The following CD96 variants were observed in gnomAD, a reference collection of about 807,000 sequenced individuals.
CD96 encodes CD96 molecule.
Under a neutral mutation model 71.3 loss-of-function variants are expected in CD96, and 70 were observed. The observed-to-expected ratio is 0.98, with a 90% CI of 0.81 to 1.20. CD96 has a LOEUF of 1.20. CD96 is among the 50% of genes most tolerant of loss of function. The pLI is 0.00. For synonymous variants in CD96, 248 were observed against 233.0 expected, an observed-to-expected ratio of 1.06 and a Z score of -0.59; for missense variants, 742 against 677.5, an observed-to-expected ratio of 1.10 and a Z score of -1.06.
chr3:111,586,914 A>C (rs912465912), intron 5 of CD96, among the ~76,000 whole-genome samples: 1 of 152,128 alleles, frequency 6.6e-6, no homozygotes, highest in Non-Finnish European at 1.5e-5. Context: ...CCTTTCCAAC[A>C]GTCCCCCAAA....
intron 8 of CD96, among the ~76,000 whole-genome samples, chr3:111,614,805 C>T (rs902320227): frequency 6.6e-6 from 1 of 152,202 alleles, no homozygotes; most frequent in African/African-American, 2.4e-5. Flanking sequence ...GCCCCTTTGT[C>T]CTAAATTCCA....
chr3:111,554,939 G>C (rs368779064), intron 2 of CD96, among the ~76,000 whole-genome samples: 203 of 152,000 alleles, frequency 1.3e-3, no homozygotes, highest in African/African-American at 4.5e-3. Flanking sequence ...CTCATAAGGA[G>C]CACACAACCT....
intron 8 of CD96, among the ~76,000 whole-genome samples, chr3:111,609,646 G>T (rs910813930): frequency 6.6e-6 from 1 of 152,116 alleles, no homozygotes; most frequent in Non-Finnish European, 1.5e-5. Context: ...ATTTAATATA[G>T]TTTTAGTATT....
intron 2 of CD96, among the ~76,000 whole-genome samples, chr3:111,552,470 T>G (rs984455960): frequency 6.6e-6 from 1 of 152,154 alleles, no homozygotes; most frequent in Admixed American, 6.6e-5. Flanking sequence ...AATATGTCTT[T>G]TAATAAGTTA....
At position 111,600,819 on chromosome 3, in the gene CD96, A is replaced by G. The variant is rs202041030; in HGVS notation, c.992A>G (p.Gln331Arg). 195 of 1,612,982 alleles carry G rather than the reference A, an allele frequency of 1.2e-4. No individual in the cohort carries two copies. Among genetic ancestry groups the G allele is most frequent in the Non-Finnish European group, 1.5e-4 (182 of 1,179,062 alleles). Residue 331 changes from glutamine to arginine, a missense_variant, in exon 7 of 14, where the codon CAA becomes CGA. Gln to Arg is a conservative substitution (Grantham distance 43, BLOSUM62 1). Transcript: ENST00000352690. ...AGGGTACATAGTAATAAACCAGCCC[A>G]ATCAGACAACTTGACCATTTGGTGT... The part of the protein sequence containing the change: ...LTRVHSNKPA[Q>R]SDNLTIWCMA...
At chr3:111,644,887 C>T (rs1939755764) in intron 12 of CD96, among the ~76,000 whole-genome samples, 1 of 152,026 alleles carries the variant, frequency 6.6e-6, no homozygotes, top group African/African-American at 2.4e-5. Context: ...ATGTGGTGAA[C>T]AGAGAACGCT....
chr3:111,600,959 G>A lies in CD96; in HGVS notation c.1087+45G>A, dbSNP rs781452794. ...AGATCAACAAGAGTTTGCTAAGACT[G>A]CCATAAATTCAAAATATCTTTAATG... On this transcript the variant is annotated intron_variant, in intron 7 of 13. Coordinates refer to ENST00000352690, the MANE Select transcript of CD96 (RefSeq NM_005816.5). 3.0e-5 allele frequency: 37 copies of A among 1,217,148 alleles called. 1 individual carries two copies. The highest frequency in any genetic ancestry group is 4.4e-5 in the Non-Finnish European group (36 of 822,278). The allele number at this position is 1,217,148 out of a possible 1,614,324, so 75.4% of individuals were successfully genotyped here. A position where few individuals can be genotyped will look rare whatever the true frequency, so the allele number is the denominator to read the frequency against.
chr3:111,565,948 C>A (rs767988354), intron 2 of CD96, among the ~76,000 whole-genome samples: 13 of 150,762 alleles, frequency 8.6e-5, no homozygotes, highest in Non-Finnish European at 1.6e-4. Flanking sequence ...TAACAAAGAT[C>A]TAAAGGCTAG....
At chr3:111,607,384 C>T (rs148251553) in intron 8 of CD96, among the ~76,000 whole-genome samples, 1 of 152,138 alleles carries the variant, frequency 6.6e-6, no homozygotes, top group Non-Finnish European at 1.5e-5. Context: ...GCCCTCCCAT[C>T]TGAGGCATCA....
intron 10 of CD96, among the ~76,000 whole-genome samples, chr3:111,628,375 C>G (rs1938885573): frequency 2.0e-5 from 3 of 152,186 alleles, no homozygotes; most frequent in African/African-American, 7.2e-5. Flanking sequence ...AAAAACTTCA[C>G]AATGCAATCA....
At chr3:111,564,470 A>C (rs983793959) in intron 2 of CD96, among the ~76,000 whole-genome samples, 86 of 118,436 alleles carry the variant, frequency 7.3e-4, no homozygotes, top group African/African-American at 2.5e-3. Flanking sequence ...GTGATTTTTA[A>C]AAATTTATTA....
intron 7 of CD96, among the ~76,000 whole-genome samples, chr3:111,604,538 C>T (rs1300225332): frequency 1.3e-5 from 2 of 152,210 alleles, no homozygotes; most frequent in African/African-American, 4.8e-5. Context: ...TGTTTCCCCT[C>T]TGTCACAAGG....
intron 8 of CD96, among the ~76,000 whole-genome samples, chr3:111,616,358 T>C (rs1488102844): frequency 6.6e-6 from 1 of 152,056 alleles, no homozygotes; most frequent in Non-Finnish European, 1.5e-5. Context: ...GCAGAGGATA[T>C]CTCCCTAAAG....
At chr3:111,661,958 T>C (rs1162853691) in intron 14 of CD96, among the ~76,000 whole-genome samples, 1 of 152,254 alleles carries the variant, frequency 6.6e-6, no homozygotes, top group Non-Finnish European at 1.5e-5. Flanking sequence ...CTTACCCTAG[T>C]AGAGGTTCTT....
intron 12 of CD96, among the ~76,000 whole-genome samples, chr3:111,639,197 C>T (rs1939477654): frequency 6.6e-6 from 1 of 152,144 alleles, no homozygotes; most frequent in Non-Finnish European, 1.5e-5. Flanking sequence ...AGGAGACACC[C>T]CAAATACTCT....
chr3:111,659,133 AT>A (rs561112306), intron 14 of CD96, among the ~76,000 whole-genome samples: 237 of 152,250 alleles, frequency 1.6e-3, no homozygotes, highest in Middle Eastern at 6.8e-3. Flanking sequence ...GTTTCCAGAA[AT>A]TTATCCATTT....
chr3:111,627,106 A>G (rs973102565), intron 10 of CD96, among the ~76,000 whole-genome samples: 1 of 152,214 alleles, frequency 6.6e-6, no homozygotes, highest in African/African-American at 2.4e-5. Context: ...TAACTCAATG[A>G]AATACTATGA....
chr3:111,545,601 C>T (rs1368589971), intron 2 of CD96, among the ~76,000 whole-genome samples, 199 bp downstream of exon 2: 3 of 152,120 alleles, frequency 2.0e-5, no homozygotes, highest in South Asian at 2.1e-4. Context: ...TGATAAGTGT[C>T]GATAATAAAT....
rs1036907490 is a variant in CD96, at chr3:111,623,757, A to G, written c.1184A>G (p.Tyr395Cys). The G allele has an allele frequency of 6.2e-7, 1 of 1,603,172 alleles. No homozygotes were observed. The highest frequency in any genetic ancestry group is 1.7e-5 in the Admixed American group (1 of 60,018). Residue 395 changes from tyrosine to cysteine, a missense_variant, in exon 9 of 14, where the codon TAT becomes TGT. Coordinates refer to ENST00000352690, the MANE Select transcript of CD96 (RefSeq NM_005816.5). ...SPASSVSPAR[Y>C]PATSSVTLVD... The stretch of plus-strand genomic sequence containing the variant: ...GGGAATTTTATTTTCAAAATAGGAT[A>G]TCCAGCTACATCTTCAGTGACCCTT...
Sources: allele counts gnomAD v4.1 joint callset (sites outside exome capture counted in the v4.1 genomes callset), GRCh38; gene constraint gnomAD v4.1.1; transcripts MANE v1.5; gene names NCBI Gene and HGNC (gene_info 2026-07-23, HGNC 2026-07-21).